The following SLC1A3 variants were observed in gnomAD, a reference collection of about 807,000 sequenced individuals.
SLC1A3 encodes the protein excitatory amino acid transporter 1.
SLC1A3 carries 21 observed loss-of-function variants against 48.1 expected under a neutral mutation model. The ratio of observed to expected loss-of-function variants is 0.44; its 90% CI spans 0.31 to 0.63. The LOEUF (loss-of-function observed/expected upper bound fraction) is 0.63. Ranked by LOEUF, SLC1A3 falls within the 20% of genes least tolerant of loss-of-function variation. The pLI, the probability that SLC1A3 is intolerant of heterozygous loss-of-function variation, is 0.08. For missense variants in SLC1A3, 546 were observed against 689.0 expected (o/e 0.79, Z 2.32); for synonymous variants, 239 against 251.4 (o/e 0.95, Z 0.47).
At chr5:36,663,469 G>T (rs1741604292) in intron 3 of SLC1A3, among the ~76,000 whole-genome samples, 1 of 140,108 alleles carries the variant, frequency 7.1e-6, no homozygotes, top group Non-Finnish European at 1.5e-5. Flanking sequence ...CCGAACTCCT[G>T]ACCTCAGGTG....
Position 36,674,028 on chromosome 5 carries a change from T to C in SLC1A3, c.525-21T>C, listed in dbSNP as rs1580031452. On this transcript the variant is annotated intron_variant, in intron 4 of 9. Transcript: ENST00000265113. ...CTTATTACTTGGAAAATTTTGCAAGTGACTATTACTTTCTTTGCAGGAACA... is the reference window on the plus strand; with the variant it reads ...CTTATTACTTGGAAAATTTTGCAAGCGACTATTACTTTCTTTGCAGGAACA... 1.9e-6 allele frequency: 3 copies of C among 1,610,400 alleles called. No individual in the cohort carries two copies. The East Asian group carries it at 6.7e-5, about 36-fold the overall frequency.
intron 1 of SLC1A3, 42 bp from the exon 2 acceptor site, chr5:36,608,287 C>T (rs1739041625): frequency 5.4e-6 from 4 of 746,790 alleles, no homozygotes; most frequent in African/African-American, 5.3e-5. Flanking sequence ...GATTTCTCAC[C>T]CCTGGAGGCT....
chr5:36,627,248 C>A (rs1457930531), intron 2 of SLC1A3, among the ~76,000 whole-genome samples: 2 of 152,032 alleles, frequency 1.3e-5, no homozygotes, highest in Non-Finnish European at 2.9e-5. Flanking sequence ...TAGTCAACAT[C>A]ATTAGATGTT....
chr5:36,666,156 G>T (rs758788315), intron 3 of SLC1A3: 1 of 152,010 alleles, frequency 6.6e-6, no homozygotes, highest in Non-Finnish European at 1.5e-5. Flanking sequence ...ACTCAGCAGT[G>T]GGCAGCTGCC....
intron 2 of SLC1A3, 76 bp from the exon 3 acceptor site, chr5:36,629,374 C>A: frequency 7.8e-7 from 1 of 1,280,956 alleles, no homozygotes; most frequent in South Asian, 1.3e-5. Context: ...AATACTTACT[C>A]ATTTTGCTAG....
chr5:36,683,913 G>A lies in SLC1A3; in HGVS notation c.1339G>A (p.Gly447Ser). 6.2e-7 allele frequency: 1 copy of A among 1,614,134 alleles called. No homozygotes were observed. Among genetic ancestry groups the A allele is most frequent in the Non-Finnish European group, 8.5e-7 (1 of 1,179,992 alleles). ...SIGAAGIPQA[G>S]LVTMVIVLTS... The stretch of plus-strand genomic sequence containing the variant: ...TGGGGCAGCTGGAATTCCTCAGGCG[G>A]GCCTGGTCACTATGGTCATTGTGCT... Residue 447 changes from glycine to serine, a missense_variant, in exon 9 of 10, where the codon GGC becomes AGC. Transcript: ENST00000265113.
intron 2 of SLC1A3, among the ~76,000 whole-genome samples, chr5:36,615,472 C>A (rs777590271): frequency 2.0e-5 from 3 of 152,190 alleles, no homozygotes; most frequent in Non-Finnish European, 4.4e-5. Context: ...GCTGGTCTCT[C>A]CAGTCTAACA....
In SLC1A3 at chr5:36,674,078, C is replaced by T; in HGVS notation, c.554C>T (p.Ala185Val). 6.2e-7 allele frequency: 1 copy of T among 1,613,252 alleles called. No homozygotes were observed. The highest frequency in any genetic ancestry group is 8.5e-7 in the Non-Finnish European group (1 of 1,179,328). ...RNMFPPNLVE[A>V]CFKQFKTNYE... ...ATGTTCCCTCCAAATCTGGTAGAAG[C>T]CTGCTTTAAACAGGTAAACACTCTA... Residue 185 changes from alanine to valine, a missense_variant, in exon 5 of 10, where the codon GCC becomes GTC. Ala to Val is a moderately conservative substitution (Grantham distance 64). Coordinates refer to ENST00000265113, the MANE Select transcript of SLC1A3 (RefSeq NM_004172.5).
intron 4 of SLC1A3, among the ~76,000 whole-genome samples, chr5:36,673,730 G>A (rs1742089111): frequency 6.6e-6 from 1 of 152,150 alleles, no homozygotes; most frequent in African/African-American, 2.4e-5. Flanking sequence ...GAAAGCTAAT[G>A]ATAAAAGTCA....
At chr5:36,660,707 C>A (rs903003955) in intron 3 of SLC1A3, among the ~76,000 whole-genome samples, 4 of 152,214 alleles carry the variant, frequency 2.6e-5, no homozygotes, top group African/African-American at 9.6e-5. Flanking sequence ...GCTGAGAGAA[C>A]AATCTCCCAC....
intron 2 of SLC1A3, chr5:36,613,527 G>C (rs1303373639): frequency 6.6e-6 from 1 of 152,342 alleles, no homozygotes; most frequent in East Asian, 1.9e-4. Context: ...AGTTCGTGGA[G>C]CAGGCACAGT....
chr5:36,677,814 C>T (rs1256721176), intron 6 of SLC1A3, among the ~76,000 whole-genome samples: 1 of 152,144 alleles, frequency 6.6e-6, no homozygotes, highest in Non-Finnish European at 1.5e-5. Context: ...GAAAAGCAAA[C>T]GGAGAGGCCC....
chr5:36,642,553 T>TTA (rs1424245434), intron 3 of SLC1A3, among the ~76,000 whole-genome samples: 3 of 152,246 alleles, frequency 2.0e-5, no homozygotes, highest in Non-Finnish European at 2.9e-5. Context: ...TTTAAGAGGT[T>TTA]TATTGAGATA....
rs879794261 is a variant in SLC1A3 at position 36,660,902 on chromosome 5, T to C, written c.320-10127T>C. On this transcript the variant is annotated intron_variant, in intron 3 of 9. Coordinates refer to ENST00000265113, the MANE Select transcript of SLC1A3 (RefSeq NM_004172.5). The stretch of plus-strand genomic sequence containing the variant: ...CTCCATCCCATCTTCCTTTGCTTTC[T>C]CATCTCCCTTCCTTTTCTCTACGTT... Among the ~76,000 whole-genome samples, 6 of 152,190 alleles carry C rather than the reference T, an allele frequency of 3.9e-5. No individual in the cohort carries two copies. In the South Asian group the frequency reaches 6.2e-4, roughly 16 times the overall value.
In SLC1A3 at chr5:36,620,262, G is replaced by A. The variant is rs1034542732; in HGVS notation, c.182-9188G>A. 2.6e-5 allele frequency among the ~76,000 whole-genome samples: 4 copies of A among 152,104 alleles called. 1 individual carries two copies. In the South Asian group the frequency reaches 8.3e-4, roughly 32 times the overall value. The stretch of plus-strand genomic sequence containing the variant: ...TACCCTAAGTTACTGACAGGATCAG[G>A]CCCAGAACTGTCTTTCTACAGCATC... On this transcript the variant is annotated intron_variant, in intron 2 of 9. Coordinates refer to ENST00000265113, the MANE Select transcript of SLC1A3 (RefSeq NM_004172.5).
chr5:36,629,388 T>A, intron 2 of SLC1A3, 62 bp from the exon 3 acceptor site: 1 of 1,430,952 alleles, frequency 7.0e-7, no homozygotes. Flanking sequence ...TTGCTAGGGC[T>A]GTTCCTTCTG....
At chr5:36,683,426 G>A (rs994097071) in intron 8 of SLC1A3, among the ~76,000 whole-genome samples, 6 of 151,524 alleles carry the variant, frequency 4.0e-5, no homozygotes, top group African/African-American at 1.2e-4. Flanking sequence ...TCTCATTTAC[G>A]GGCCAGGCAT....
intron 2 of SLC1A3, chr5:36,608,813 G>T (rs954745690): frequency 2.2e-6 from 3 of 1,338,038 alleles, no homozygotes; most frequent in Non-Finnish European, 2.9e-6. Flanking sequence ...GCATCATTAG[G>T]CATTATGCAA....
At chr5:36,679,605 T>C (rs1399779794) in intron 6 of SLC1A3, 22 bp from the exon 7 acceptor site, 2 of 1,530,888 alleles carry the variant, frequency 1.3e-6, no homozygotes, top group Non-Finnish European at 1.8e-6. Context: ...ACTCCAACCG[T>C]GCTGGTGTTG....
Sources: allele counts gnomAD v4.1 joint callset (sites outside exome capture counted in the v4.1 genomes callset), GRCh38; gene constraint gnomAD v4.1.1; transcripts MANE v1.5; gene names NCBI Gene and HGNC (gene_info 2026-07-23, HGNC 2026-07-21).